NRXN3: variants seen among roughly 807,000 people sequenced by gnomAD.
NRXN3 encodes neurexin III.
NRXN3 carries 32 observed loss-of-function variants against 137.6 expected under a neutral mutation model. That is an observed-to-expected ratio of 0.23 (90% CI 0.18 to 0.31). The LOEUF (loss-of-function observed/expected upper bound fraction) is 0.31, where lower values mean the gene tolerates loss of function less well. Among genes scored for constraint, NRXN3 ranks in the 10% least tolerant of loss-of-function variants. The probability of loss-of-function intolerance (pLI) is 1.00; values close to 1 mark genes in which losing one functional copy is unlikely to be tolerated. For missense variants in NRXN3, 1,574 were observed against 2,062.5 expected (o/e 0.76, Z 4.59); for synonymous variants, 798 against 784.5 (o/e 1.02, Z -0.29).
intron 6 of NRXN3, among the ~76,000 whole-genome samples, chr14:78,673,303 A>G (rs2097956983): frequency 6.6e-6 from 1 of 152,196 alleles, no homozygotes; most frequent in Non-Finnish European, 1.5e-5. Flanking sequence ...GGTGCAGCCA[A>G]TTGTGCTGCA....
chr14:78,682,540 T>C (rs934783697), intron 6 of NRXN3, among the ~76,000 whole-genome samples: 4 of 152,098 alleles, frequency 2.6e-5, no homozygotes, highest in Admixed American at 2.0e-4. Context: ...TAGTCCTCAG[T>C]GCTACAGCCT....
intron 15 of NRXN3, among the ~76,000 whole-genome samples, chr14:79,014,610 G>A (rs1276039850): frequency 6.6e-6 from 1 of 152,120 alleles, no homozygotes; most frequent in Non-Finnish European, 1.5e-5. Context: ...ATTTCTTTCA[G>A]TATATATCCA....
At chr14:78,412,884 G>A (rs12893431) in intron 4 of NRXN3, among the ~76,000 whole-genome samples, 19,695 of 152,132 alleles carry the variant, frequency 0.13, 1,663 homozygotes, top group African/African-American at 0.23. Context: ...GCCTGCTGTG[G>A]GTATTGAATG....
chr14:78,734,206 A>AACAC lies in NRXN3; in HGVS notation c.2044+19112_2044+19115dup, dbSNP rs10563958. 6.5e-3 allele frequency among the ~76,000 whole-genome samples: 890 copies of AACAC among 137,764 alleles called. 7 individuals carry two copies. Among genetic ancestry groups the AACAC allele is most frequent in the African/African-American group, 0.017 (634 of 37,526 alleles). 90.4% of individuals were successfully genotyped at this position (137,764 alleles called of 152,430 possible). A position where few individuals can be genotyped will look rare whatever the true frequency, so the allele number is the denominator to read the frequency against. ...GCCAAACACACGTATCTGCATCTGA[A>AACAC]ACACACACACACACACACACACACA... On this transcript the variant is annotated intron_variant, in intron 8 of 20. Coordinates refer to ENST00000335750, the MANE Select transcript of NRXN3 (RefSeq NM_001330195.2).
At chr14:79,354,200 C>T (rs989432333) in intron 15 of NRXN3, among the ~76,000 whole-genome samples, 3 of 151,950 alleles carry the variant, frequency 2.0e-5, no homozygotes, top group Non-Finnish European at 2.9e-5. Context: ...AGTCCCTTTG[C>T]GTGAAATGAC....
intron 15 of NRXN3, among the ~76,000 whole-genome samples, chr14:79,013,509 C>G (rs565176978): frequency 2.0e-4 from 30 of 152,290 alleles, no homozygotes; most frequent in African/African-American, 7.0e-4. Context: ...ATTAACTTCT[C>G]CCAGAGAAGC....
intron 15 of NRXN3, among the ~76,000 whole-genome samples, chr14:79,077,627 G>A (rs1415971506): frequency 6.6e-6 from 1 of 152,084 alleles, no homozygotes; most frequent in Non-Finnish European, 1.5e-5. Flanking sequence ...GAGTAAGGTT[G>A]AAAATTAAAC....
At chr14:79,816,215 A>C (rs1480701556) in intron 20 of NRXN3, among the ~76,000 whole-genome samples, 1 of 152,212 alleles carries the variant, frequency 6.6e-6, no homozygotes, top group Non-Finnish European at 1.5e-5. Context: ...GGTAATATTC[A>C]AGTCCAAATC....
At chr14:78,869,424 T>G (rs1050055310) in intron 10 of NRXN3, among the ~76,000 whole-genome samples, 8 of 152,144 alleles carry the variant, frequency 5.3e-5, no homozygotes, top group African/African-American at 1.9e-4. Flanking sequence ...CCCACTTGCT[T>G]GAAACCATTC....
chr14:79,503,468 TC>T (rs2096844453), intron 16 of NRXN3, among the ~76,000 whole-genome samples: 1 of 152,168 alleles, frequency 6.6e-6, no homozygotes, highest in Non-Finnish European at 1.5e-5. Flanking sequence ...CTTTCACACC[TC>T]TCTGCCTCTG....
intron 16 of NRXN3, among the ~76,000 whole-genome samples, chr14:79,525,810 A>C (rs1435754063): frequency 6.6e-6 from 1 of 152,218 alleles, no homozygotes; most frequent in East Asian, 1.9e-4. Context: ...GTGCTGGGTT[A>C]ACAGACTACA....
chr14:78,944,145 G>C (rs980873609), intron 10 of NRXN3, among the ~76,000 whole-genome samples: 2 of 152,138 alleles, frequency 1.3e-5, no homozygotes, highest in Non-Finnish European at 2.9e-5. Flanking sequence ...GTCTGATGCA[G>C]TTCTTCACTT....
chr14:78,903,193 G>A (rs988270494), intron 10 of NRXN3, among the ~76,000 whole-genome samples: 2 of 138,628 alleles, frequency 1.4e-5, no homozygotes, highest in Non-Finnish European at 3.0e-5. Flanking sequence ...CTTTCACCCA[G>A]GTTGGATTGC....
chr14:78,678,630 CT>C (rs1291224822), intron 6 of NRXN3, among the ~76,000 whole-genome samples: 1 of 152,160 alleles, frequency 6.6e-6, no homozygotes, highest in East Asian at 1.9e-4. Flanking sequence ...TTCCAGTTTC[CT>C]TGCATCCTTG....
intron 10 of NRXN3, among the ~76,000 whole-genome samples, chr14:78,880,756 G>A (rs1204891672): frequency 2.0e-5 from 3 of 152,236 alleles, no homozygotes; most frequent in East Asian, 3.9e-4. Context: ...ATATATAAGT[G>A]TTATGTATTT....
At chr14:79,797,796 C>G (rs1263428451) in intron 19 of NRXN3, among the ~76,000 whole-genome samples, 2 of 151,956 alleles carry the variant, frequency 1.3e-5, no homozygotes, top group Non-Finnish European at 2.9e-5. Flanking sequence ...GTTTTGATTA[C>G]ATATAAAAAT....
chr14:79,252,410 A>G (rs986948491), intron 15 of NRXN3, among the ~76,000 whole-genome samples: 1 of 152,158 alleles, frequency 6.6e-6, no homozygotes, highest in Non-Finnish European at 1.5e-5. Flanking sequence ...TATATGGAAA[A>G]GAGTTTTCCT....
intron 8 of NRXN3, among the ~76,000 whole-genome samples, chr14:78,716,356 A>G (rs2098434143): frequency 1.3e-5 from 2 of 152,214 alleles, no homozygotes; most frequent in African/African-American, 4.8e-5. Flanking sequence ...GATAATTTGC[A>G]TCAGGATCAA....
intron 19 of NRXN3, among the ~76,000 whole-genome samples, chr14:79,798,498 G>C (rs1437834968): frequency 6.6e-6 from 1 of 152,194 alleles, no homozygotes; most frequent in East Asian, 1.9e-4. Flanking sequence ...TGGGGCTTCA[G>C]AATATTTATG....
Sources: allele counts gnomAD v4.1 joint callset (sites outside exome capture counted in the v4.1 genomes callset), GRCh38; gene constraint gnomAD v4.1.1; transcripts MANE v1.5; gene names NCBI Gene and HGNC (gene_info 2026-07-23, HGNC 2026-07-21).